TMPRSS6: variants seen among roughly 807,000 people sequenced by gnomAD.
TMPRSS6 encodes the protein transmembrane serine protease 6.
In TMPRSS6, 67 loss-of-function variants were observed where a neutral mutation model predicts 101.5. The observed-to-expected ratio is 0.66, with a 90% CI of 0.54 to 0.81. The LOEUF (loss-of-function observed/expected upper bound fraction) is 0.81, where lower values mean the gene tolerates loss of function less well. Ranked by LOEUF, TMPRSS6 falls within the 30% of genes least tolerant of loss-of-function variation. The pLI is 0.00. For missense variants in TMPRSS6, 1,034 were observed against 1,088.7 expected (o/e 0.95, Z 0.71); for synonymous variants, 453 against 464.9 (o/e 0.97, Z 0.33).
chr22:37,084,771 G>A lies in TMPRSS6; in HGVS notation c.1042C>T (p.Pro348Ser). The A allele has an allele frequency of 6.4e-7, 1 of 1,566,986 alleles. No homozygotes were observed. The highest frequency in any genetic ancestry group is 8.7e-7 in the Non-Finnish European group (1 of 1,155,294). Residue 348 changes from proline to serine, a missense_variant, in exon 9 of 18, where the codon CCC becomes TCC. Transcript: ENST00000676104. ...TGGGTTTGGGGCGAGTAGTAGCTGG[G>A]GAAGTACGGGGTGCTGAGGACGCCC... ...SQGVLSTPYF[P>S]SYYSPQTHCS...
chr22:37,079,551 A>G (rs1928096617), intron 10 of TMPRSS6, among the ~76,000 whole-genome samples: 1 of 152,192 alleles, frequency 6.6e-6, no homozygotes, highest in African/African-American at 2.4e-5. Context: ...AGGGTCACAG[A>G]AGGCAAGTGC....
intron 1 of TMPRSS6, among the ~76,000 whole-genome samples, chr22:37,107,052 C>T (rs547135738): frequency 2.0e-5 from 3 of 152,236 alleles, no homozygotes; most frequent in African/African-American, 4.8e-5. Flanking sequence ...CCGCACAGCC[C>T]GTCACATGAG....
intron 8 of TMPRSS6, 76 bp downstream of exon 8, chr22:37,086,207 G>A: frequency 8.1e-6 from 13 of 1,597,418 alleles, no homozygotes; most frequent in Non-Finnish European, 1.1e-5. Flanking sequence ...CAAAAAAGGT[G>A]AGCAGTGAGC....
In TMPRSS6 at chr22:37,069,952, G is replaced by T. The variant is rs950200793; in HGVS notation, c.1841+532C>A. ...GCGTCCCAGAGAGGATACAAAAGGG[G>T]ATCCCTGTGCAGGGCCTGGGGGCGG... On this transcript the variant is annotated intron_variant, in intron 15 of 17. Coordinates refer to ENST00000676104, the MANE Select transcript of TMPRSS6 (RefSeq NM_001374504.1). The surrounding 1 kb of genome is among the most constrained non-coding windows in gnomAD (Gnocchi z 4.8). Among the ~76,000 whole-genome samples the T allele has an allele frequency of 6.6e-6, 1 of 152,168 alleles. No individual in the cohort carries two copies. Among genetic ancestry groups the T allele is most frequent in the Non-Finnish European group, 1.5e-5 (1 of 68,026 alleles).
intron 10 of TMPRSS6, among the ~76,000 whole-genome samples, chr22:37,077,360 A>T (rs1235710646): frequency 6.6e-6 from 1 of 152,116 alleles, no homozygotes; most frequent in Admixed American, 6.5e-5. Flanking sequence ...CATGTCCTCC[A>T]CACGCCTGGC....
Position 37,097,761 on chromosome 22 carries a change from G to A in TMPRSS6, c.336+655C>T, listed in dbSNP as rs1303645310. ...TAACGGAGGGGCAGGAGCGGCCACT[G>A]TCCTGTAACGGAGGGGCAGGAGTGG... On this transcript the variant is annotated intron_variant, in intron 3 of 17. Coordinates refer to ENST00000676104, the MANE Select transcript of TMPRSS6 (RefSeq NM_001374504.1). Among the ~76,000 whole-genome samples, 45 of 104,846 alleles carry A rather than the reference G, an allele frequency of 4.3e-4. 3 individuals are homozygous for A. The highest frequency in any genetic ancestry group is 1.9e-3 in the African/African-American group (44 of 22,882). 68.8% of individuals were successfully genotyped at this position (104,846 alleles called of 152,430 possible). A position where few individuals can be genotyped will look rare whatever the true frequency, so the allele number is the denominator to read the frequency against.
At chr22:37,079,458 A>G (rs1928087580) in intron 10 of TMPRSS6, among the ~76,000 whole-genome samples, 1 of 152,130 alleles carries the variant, frequency 6.6e-6, no homozygotes, top group Non-Finnish European at 1.5e-5. Flanking sequence ...GGAGAACACA[A>G]GAAGGAAGAA....
At position 37,105,168 on chromosome 22, in the gene TMPRSS6, G is replaced by C. The variant is rs540811937; in HGVS notation, c.-1-1750C>G. 9.2e-5 allele frequency among the ~76,000 whole-genome samples: 14 copies of C among 152,192 alleles called. 1 individual carries two copies. The South Asian group carries it at 2.9e-3, about 32-fold the overall frequency. ...CCAGCTCCCCTTGGCATCGTTCCCA[G>C]CTAAGGGTCTTTGGTGTCAAGCCAC... On this transcript the variant is annotated intron_variant, in intron 1 of 17. Transcript: ENST00000676104.
At chr22:37,088,992 C>T (rs1313140107) in intron 7 of TMPRSS6, among the ~76,000 whole-genome samples, 2 of 152,248 alleles carry the variant, frequency 1.3e-5, no homozygotes, top group Non-Finnish European at 2.9e-5. Flanking sequence ...ACCAGTAAGC[C>T]TCTCTGCTCT....
At chr22:37,070,673 T>TG in intron 14 of TMPRSS6, 21 bp from the exon 15 acceptor site, 1 of 1,597,944 alleles carries the variant, frequency 6.3e-7, no homozygotes, top group South Asian at 1.1e-5. Flanking sequence ...GGGCAGGTGG[T>TG]GGGGTGGACA....
chr22:37,066,432 G>A (rs1237267104), intron 17 of TMPRSS6, among the ~76,000 whole-genome samples, 194 bp from the exon 18 acceptor site: 2 of 152,218 alleles, frequency 1.3e-5, no homozygotes, highest in South Asian at 2.1e-4. Context: ...CCTCCAGCCA[G>A]CCTGGGACCT....
chr22:37,082,529 C>G (rs1326894418), intron 10 of TMPRSS6: 2 of 169,142 alleles, frequency 1.2e-5, no homozygotes, highest in Non-Finnish European at 2.6e-5. Context: ...TTCCTGTGAG[C>G]GGGGGTGAAG....
At position 37,084,752 on chromosome 22, in the gene TMPRSS6, T is replaced by TGG; in HGVS notation, c.1059_1060dup (p.Gln354ProfsTer27). 3.8e-6 allele frequency: 6 copies of TGG among 1,566,160 alleles called. No homozygotes were observed. The highest frequency in any genetic ancestry group is 5.2e-6 in the Non-Finnish European group (6 of 1,155,070). On this transcript the variant is annotated frameshift_variant, in exon 9 of 18. Transcript: ENST00000676104. LOFTEE classifies it high-confidence loss of function. ...CGTGAGGTGCCAGGAGCAGTGGGTT[T>TGG]GGGGCGAGTAGTAGCTGGGGAAGTA...
chr22:37,100,467 G>T (rs1412425908), intron 2 of TMPRSS6, among the ~76,000 whole-genome samples: 1 of 152,208 alleles, frequency 6.6e-6, no homozygotes, highest in Non-Finnish European at 1.5e-5. Context: ...GGAAGTGATT[G>T]GCGTCAGCTG....
intron 2 of TMPRSS6, among the ~76,000 whole-genome samples, chr22:37,100,954 G>A (rs1930264010): frequency 6.6e-6 from 1 of 152,222 alleles, no homozygotes; most frequent in Non-Finnish European, 1.5e-5. Flanking sequence ...CAAGTGCAAT[G>A]ATGACTGAGA....
At chr22:37,073,719 G>A in intron 12 of TMPRSS6, 74 bp from the exon 13 acceptor site, 2 of 908,948 alleles carry the variant, frequency 2.2e-6, no homozygotes, top group Non-Finnish European at 3.7e-6. Flanking sequence ...GATGCCTGTA[G>A]AAGGTGTGCT....
intron 13 of TMPRSS6, among the ~76,000 whole-genome samples, chr22:37,071,904 GGATGGATGGGTAGATGGATGGATGGAT>G (rs1299764649): frequency 2.0e-5 from 3 of 151,978 alleles, no homozygotes; most frequent in African/African-American, 7.3e-5. Context: ...ATGGATGGGT[GGATGGATGGGTAGATGGATGGATGGAT>G]GATGGATGGG....
rs1337720394 is a variant in TMPRSS6, at chr22:37,083,014, TC to T, written c.1196+1280del. ...TGATTGGGAACACACACCCCAGAAA[TC>T]CAAGAATTCTAGAGCCCCAGAGCCT... On this transcript the variant is annotated intron_variant, in intron 10 of 17. Transcript: ENST00000676104. The T allele has an allele frequency of 1.3e-5, 6 of 470,906 alleles. No homozygotes were observed. In the East Asian group the frequency reaches 4.2e-4, roughly 33 times the overall value. The allele number at this position is 470,906 out of a possible 1,614,324, so 29.2% of individuals were successfully genotyped here. A position where few individuals can be genotyped will look rare whatever the true frequency, so the allele number is the denominator to read the frequency against.
chr22:37,084,708 A>G lies in TMPRSS6; in HGVS notation c.1086+19T>C. On this transcript the variant is annotated intron_variant, in intron 9 of 17. Transcript: ENST00000676104. Reference sequence around the variant, plus strand: ...TGCTTGCGGCAGAGGGCAGGTGGGCAGGCAGGGTGGGGTCTCACCGTGAGG... The same window carrying G: ...TGCTTGCGGCAGAGGGCAGGTGGGCGGGCAGGGTGGGGTCTCACCGTGAGG... 1 of 1,545,686 alleles carries G rather than the reference A, an allele frequency of 6.5e-7. No individual in the cohort carries two copies. The highest frequency in any genetic ancestry group is 8.8e-7 in the Non-Finnish European group (1 of 1,141,210).
Sources: gnomAD v4.1 joint callset for allele counts (sites outside exome capture counted in the v4.1 genomes callset) on GRCh38, gnomAD v4.1.1 for gene constraint, Gnocchi (gnomAD v3.1) non-coding constraint, MANE v1.5 for transcripts, NCBI Gene and HGNC (gene_info 2026-07-23, HGNC 2026-07-21) for gene names.